Variants in ABCB11 observed in about 807,000 individuals in gnomAD.
The protein encoded by ABCB11 is ATP binding cassette subfamily B member 11.
In ABCB11, 95 loss-of-function variants were observed where a neutral mutation model predicts 148.0. That is an observed-to-expected ratio of 0.64 (90% CI 0.54 to 0.76). The LOEUF (loss-of-function observed/expected upper bound fraction) is 0.76, where lower values mean the gene tolerates loss of function less well. ABCB11 is among the 30% of genes least tolerant of loss of function. The pLI is 0.00. For missense variants in ABCB11, 1,523 were observed against 1,617.8 expected, an observed-to-expected ratio of 0.94 and a Z score of 1.01; for synonymous variants, 591 against 555.4, an observed-to-expected ratio of 1.06 and a Z score of -0.90.
At chr2:169,013,018 A>G (rs1209423741) in intron 5 of ABCB11, among the ~76,000 whole-genome samples, 1 of 152,160 alleles carries the variant, frequency 6.6e-6, no homozygotes, top group Non-Finnish European at 1.5e-5. Flanking sequence ...CCTATACTCA[A>G]TAAAGTGGTA....
chr2:169,003,146 T>A (rs1431713490), intron 5 of ABCB11, among the ~76,000 whole-genome samples: 1 of 151,914 alleles, frequency 6.6e-6, no homozygotes, highest in Non-Finnish European at 1.5e-5. Context: ...GTCCAATGTA[T>A]CATTCTCATG....
intron 1 of ABCB11, among the ~76,000 whole-genome samples, chr2:169,028,454 G>A (rs1232675635): frequency 6.6e-6 from 1 of 152,064 alleles, no homozygotes; most frequent in African/African-American, 2.4e-5. Context: ...GTTTTCCATG[G>A]GAAGAGGAGA....
chr2:168,934,378 C>T lies in ABCB11; in HGVS notation c.3056+806G>A, dbSNP rs368298920. ...TAATGCCCTCCAAACCTTTCTCAGA[C>T]CATCTCCACCCTTACCCCCCGACTC... On this transcript the variant is annotated intron_variant, in intron 23 of 27. Transcript: ENST00000650372. 3.3e-5 allele frequency among the ~76,000 whole-genome samples: 5 copies of T among 152,226 alleles called. No homozygotes were observed. In the East Asian group the frequency reaches 9.7e-4, roughly 29 times the overall value.
In ABCB11 at chr2:168,936,353, G is replaced by A; in HGVS notation, c.2691C>T (p.Ser897=). The part of the protein sequence containing the change: ...TVAMIIAFSF[S]WKLSLVILCF... ...ACAAGATGACCAGGCTCAGCTTCCA[G>A]CTAAAGGAGAAGGCAATGATCATGG... Residue 897 remains serine (S), a synonymous_variant, in exon 22 of 28, where the codon AGC becomes AGT. Coordinates refer to ENST00000650372, the MANE Select transcript of ABCB11 (RefSeq NM_003742.4). The A allele has an allele frequency of 6.2e-7, 1 of 1,613,900 alleles. No individual in the cohort carries two copies. The highest frequency in any genetic ancestry group is 8.5e-7 in the Non-Finnish European group (1 of 1,179,862).
intron 1 of ABCB11, among the ~76,000 whole-genome samples, chr2:169,023,427 C>T (rs1054641694): frequency 3.3e-5 from 5 of 152,170 alleles, no homozygotes; most frequent in Middle Eastern, 3.4e-3. Flanking sequence ...GTGATACAGC[C>T]GAGATTGAAA....
chr2:169,002,233 A>T (rs1694898163), intron 5 of ABCB11, among the ~76,000 whole-genome samples: 1 of 152,154 alleles, frequency 6.6e-6, no homozygotes, highest in South Asian at 2.1e-4. Context: ...AGATATATGC[A>T]CCTAAAAAAA....
At chr2:168,995,975 TAAAAAAAAAAAA>T (rs3083997) in intron 6 of ABCB11, among the ~76,000 whole-genome samples, 1 of 63,030 alleles carries the variant, frequency 1.6e-5, no homozygotes, top group Non-Finnish European at 2.8e-5. Flanking sequence ...TTTCCCTAAC[TAAAAAAAAAAAA>T]AAAAAAAAAA....
Position 169,016,874 on chromosome 2 carries a change from TG to T in ABCB11, c.77-76del. 8.6e-6 allele frequency: 10 copies of T among 1,164,494 alleles called. No homozygotes were observed. The South Asian group carries it at 1.4e-4, about 16-fold the overall frequency. The allele number at this position is 1,164,494 out of a possible 1,614,324, so 72.1% of individuals were successfully genotyped here. ...AATGCAACGCAGTCATTAAGAAATTTGCTCTAGAAAAATATTCCTATAAATT... is the reference window on the plus strand; with the variant it reads ...AATGCAACGCAGTCATTAAGAAATTTCTCTAGAAAAATATTCCTATAAATT... On this transcript the variant is annotated intron_variant, in intron 2 of 27. Transcript: ENST00000650372.
chr2:169,014,994 C>T (rs1302740147), intron 3 of ABCB11, among the ~76,000 whole-genome samples: 1 of 152,130 alleles, frequency 6.6e-6, no homozygotes, highest in East Asian at 1.9e-4. Flanking sequence ...ATGTTTAACT[C>T]CTTGGCACTC....
At chr2:168,953,452 CT>C (rs35351007) in intron 19 of ABCB11, among the ~76,000 whole-genome samples, 4,008 of 142,646 alleles carry the variant, frequency 0.028, 103 homozygotes, top group African/African-American at 0.07. Context: ...ATTATCTTGT[CT>C]TTTTTTTTTT....
At chr2:168,940,679 C>T (rs1692025491) in intron 21 of ABCB11, among the ~76,000 whole-genome samples, 1 of 152,058 alleles carries the variant, frequency 6.6e-6, no homozygotes, top group Non-Finnish European at 1.5e-5. Context: ...TCCGTGTTGA[C>T]CAAACAGCTT....
intron 25 of ABCB11, among the ~76,000 whole-genome samples, chr2:168,929,688 T>A (rs1691477325): frequency 6.6e-6 from 1 of 152,292 alleles, no homozygotes; most frequent in East Asian, 1.9e-4. Flanking sequence ...CATTTTTCTT[T>A]TAGAAAGTGA....
chr2:168,925,244 C>A (rs910844351), intron 26 of ABCB11, among the ~76,000 whole-genome samples: 1 of 152,188 alleles, frequency 6.6e-6, no homozygotes, highest in African/African-American at 2.4e-5. Context: ...TTCTGGAACA[C>A]AGGCTTTGGT....
chr2:169,029,835 G>C (rs1180693943), intron 1 of ABCB11, among the ~76,000 whole-genome samples: 1 of 125,910 alleles, frequency 7.9e-6, no homozygotes, highest in African/African-American at 3.2e-5. Context: ...CCGCTTCCCG[G>C]GTTCACGCCA....
chr2:168,978,526 A>T (rs985436587), intron 11 of ABCB11, among the ~76,000 whole-genome samples: 8 of 152,164 alleles, frequency 5.3e-5, no homozygotes, highest in Non-Finnish European at 1.2e-4. Context: ...GCAATGAGTC[A>T]CTTCCTTAAT....
chr2:169,009,118 G>A (rs1695102885), intron 5 of ABCB11, among the ~76,000 whole-genome samples: 1 of 152,140 alleles, frequency 6.6e-6, no homozygotes, highest in African/African-American at 2.4e-5. Context: ...ATAGGGAGGA[G>A]GATGAGGTAC....
chr2:169,020,465 A>C (rs1231799233), intron 1 of ABCB11, among the ~76,000 whole-genome samples: 1 of 152,188 alleles, frequency 6.6e-6, no homozygotes, highest in African/African-American at 2.4e-5. Context: ...AAAAAAACTA[A>C]AGAAACTAAA....
intron 10 of ABCB11, among the ~76,000 whole-genome samples, chr2:168,985,593 TG>T (rs755261756): frequency 5.4e-4 from 82 of 152,144 alleles, no homozygotes; most frequent in Non-Finnish European, 3.2e-4. Context: ...CATATATATA[TG>T]GCAGAATACT....
Position 168,923,689 on chromosome 2 carries a change from T to C in ABCB11, c.3899A>G (p.His1300Arg), listed in dbSNP as rs1308491338. ...TCCTTTTTGGGCCATCAGTTCTTCA[T>C]GGGTCCCCTTTTCAATCACCACCCC... ...AQGVVIEKGT[H>R]EELMAQKGAY... is the part of the protein sequence containing the mutation. The change falls in exon 28 of 28, where the codon CAT becomes CGT. Residue 1300 changes from histidine to arginine, a missense_variant. Transcript: ENST00000650372. 8 of 1,613,748 alleles carry C rather than the reference T, an allele frequency of 5.0e-6. No individual in the cohort carries two copies. Among genetic ancestry groups the C allele is most frequent in the African/African-American group, 2.7e-5 (2 of 74,886 alleles).
Sources: gnomAD v4.1 joint callset for allele counts (sites outside exome capture counted in the v4.1 genomes callset) on GRCh38, gnomAD v4.1.1 for gene constraint, MANE v1.5 for transcripts, NCBI Gene and HGNC (gene_info 2026-07-23, HGNC 2026-07-21) for gene names.